ROBO2: variants seen among roughly 807,000 people sequenced by gnomAD.
ROBO2 encodes the protein roundabout homolog 2.
In ROBO2, 53 loss-of-function variants were observed where a neutral mutation model predicts 160.8. That is an observed-to-expected ratio of 0.33 (90% CI 0.26 to 0.41). The LOEUF is 0.41. Among genes scored for constraint, ROBO2 ranks in the 10% least tolerant of loss-of-function variants. The pLI is 1.00. For synonymous variants in ROBO2, 664 were observed against 611.7 expected (o/e 1.09, Z -1.26); for missense variants, 1,577 against 1,722.4 (o/e 0.92, Z 1.49).
At position 77,626,341 on chromosome 3, in the gene ROBO2, T is replaced by G. The variant is rs536615787; in HGVS notation, c.3760+3909T>G. Among the ~76,000 whole-genome samples, 348 of 152,356 alleles carry G rather than the reference T, an allele frequency of 2.3e-3. 3 individuals are homozygous for G. Among genetic ancestry groups the G allele is most frequent in the Admixed American group, 6.5e-3 (99 of 15,298 alleles). ...TATGTTTATTTAAAGTGACCCATGC[T>G]AACAAAATTCAACTGTATCAGCACT... On this transcript the variant is annotated intron_variant, in intron 23 of 25. Transcript: ENST00000461745.
intron 2 of ROBO2, among the ~76,000 whole-genome samples, chr3:77,172,344 A>G (rs1405731818): frequency 6.6e-6 from 1 of 152,164 alleles, no homozygotes; most frequent in African/African-American, 2.4e-5. Context: ...TGTGGCATCC[A>G]TGACTTACAT....
At chr3:75,925,471 A>T (rs145252575) in intron 1 of ROBO2, among the ~76,000 whole-genome samples, 2 of 152,172 alleles carry the variant, frequency 1.3e-5, no homozygotes, top group Non-Finnish European at 2.9e-5. Context: ...CTCTGATTAT[A>T]TGAGGCTGGG....
intron 2 of ROBO2, among the ~76,000 whole-genome samples, chr3:76,061,134 A>G (rs956442365): frequency 6.6e-6 from 1 of 152,218 alleles, no homozygotes; most frequent in Non-Finnish European, 1.5e-5. Flanking sequence ...GTGACTTCAC[A>G]TGTGCAAATT....
intron 2 of ROBO2, among the ~76,000 whole-genome samples, chr3:76,823,786 C>A (rs779325232): frequency 6.6e-6 from 1 of 151,866 alleles, no homozygotes; most frequent in African/African-American, 2.4e-5. Flanking sequence ...GGGGAGATAA[C>A]GGAATAATAT....
intron 2 of ROBO2, among the ~76,000 whole-genome samples, chr3:77,329,421 T>C (rs1396353243): frequency 6.6e-6 from 1 of 152,224 alleles, no homozygotes; most frequent in Non-Finnish European, 1.5e-5. Context: ...CTGTTTGTTC[T>C]AGTGTTTAGG....
chr3:77,317,048 C>T (rs1230576523), intron 2 of ROBO2: 14 of 1,504,832 alleles, frequency 9.3e-6, no homozygotes, highest in Admixed American at 6.7e-5. Flanking sequence ...TCTGTCCCGT[C>T]ATTCACAGTA....
rs59745987 is a variant in ROBO2 at position 76,044,538 on chromosome 3, G to GATTC, written c.109+106974_109+106977dup. Among the ~76,000 whole-genome samples, 863 of 149,538 alleles carry GATTC rather than the reference G, an allele frequency of 5.8e-3. 8 individuals are homozygous for GATTC. The highest frequency in any genetic ancestry group is 0.01 in the East Asian group (53 of 5,068). ...GGGAGAAATAAGTCACAGTCACAGA[G>GATTC]ATTCATTCATTCATTCATTCATTCA... On this transcript the variant is annotated intron_variant, in intron 2 of 26. Transcript: ENST00000487694.
At chr3:76,490,245 C>T (rs555883431) in intron 2 of ROBO2, among the ~76,000 whole-genome samples, 14 of 152,240 alleles carry the variant, frequency 9.2e-5, no homozygotes, top group African/African-American at 3.1e-4. Context: ...AGGATTGATG[C>T]CTGTCCTCGC....
chr3:76,472,214 T>C (rs139593122), intron 2 of ROBO2, among the ~76,000 whole-genome samples: 4 of 152,216 alleles, frequency 2.6e-5, no homozygotes, highest in African/African-American at 9.6e-5. Context: ...ATGAAAATGA[T>C]CATTTCCTAT....
rs1402675789 is a variant in ROBO2 at position 76,447,574 on chromosome 3, T to C, written c.109+509972T>C. On this transcript the variant is annotated intron_variant, in intron 2 of 26. Coordinates refer to the ROBO2 transcript ENST00000487694. ...CCCAAAGGATTATAAATCATGCTGC[T>C]ATAAAGACACAGGCACACGTATGTA... is the stretch of plus-strand genomic sequence containing the variant. Among the ~76,000 whole-genome samples the C allele has an allele frequency of 2.0e-5, 3 of 150,222 alleles. No individual in the cohort carries two copies. The East Asian group carries it at 5.8e-4, about 29-fold the overall frequency.
intron 2 of ROBO2, among the ~76,000 whole-genome samples, chr3:76,729,301 C>T (rs1466552336): frequency 6.6e-6 from 1 of 151,618 alleles, no homozygotes; most frequent in African/African-American, 2.4e-5. Flanking sequence ...TCAAATGGAG[C>T]CAAATTCTAG....
intron 2 of ROBO2, among the ~76,000 whole-genome samples, chr3:76,325,365 T>G (rs1303142050): frequency 6.6e-6 from 1 of 152,210 alleles, no homozygotes. Flanking sequence ...TTTCTATATA[T>G]GGCAATAATT....
intron 2 of ROBO2, among the ~76,000 whole-genome samples, chr3:76,522,164 C>T (rs2081660219): frequency 6.6e-6 from 1 of 152,092 alleles, no homozygotes; most frequent in Non-Finnish European, 1.5e-5. Flanking sequence ...TTATGGGCCC[C>T]TCCTCACCCT....
rs76648501 is a variant in ROBO2 at position 76,379,327 on chromosome 3, C to A, written c.109+441725C>A. On this transcript the variant is annotated intron_variant, in intron 2 of 26. Transcript: ENST00000487694. Reference sequence around the variant, plus strand: ...CAAGAAGTTTATAAATACTTGAAATCTACACTTTTATTTTTTCAATAAAAA... The same window carrying A: ...CAAGAAGTTTATAAATACTTGAAATATACACTTTTATTTTTTCAATAAAAA... Among the ~76,000 whole-genome samples the A allele has an allele frequency of 3.1e-3, 473 of 152,160 alleles. 13 individuals are homozygous for A. In the East Asian group the frequency reaches 0.085, roughly 27 times the overall value.
At chr3:76,505,729 C>G (rs954844861) in intron 2 of ROBO2, among the ~76,000 whole-genome samples, 1 of 151,986 alleles carries the variant, frequency 6.6e-6, no homozygotes, top group African/African-American at 2.4e-5. Flanking sequence ...TCCCCTAGAG[C>G]CTTGACCCTG....
At chr3:76,894,949 T>G (rs2074651847) in intron 2 of ROBO2, among the ~76,000 whole-genome samples, 1 of 152,104 alleles carries the variant, frequency 6.6e-6, no homozygotes, top group Non-Finnish European at 1.5e-5. Flanking sequence ...TTGGTTTTTT[T>G]CCTTTCAGAA....
intron 2 of ROBO2, among the ~76,000 whole-genome samples, chr3:76,622,154 GACA>G (rs1035627582): frequency 3.3e-5 from 5 of 149,656 alleles, no homozygotes; most frequent in African/African-American, 9.9e-5. Flanking sequence ...GACTAGCCTG[GACA>G]ACATAGCAAG....
chr3:76,224,032 G>A (rs1210568522), intron 2 of ROBO2, among the ~76,000 whole-genome samples: 2 of 152,146 alleles, frequency 1.3e-5, no homozygotes, highest in Non-Finnish European at 1.5e-5. Flanking sequence ...AGATTAGAGA[G>A]TCACATCCAG....
intron 2 of ROBO2, among the ~76,000 whole-genome samples, chr3:76,684,985 G>A (rs1408191553): frequency 6.7e-6 from 1 of 148,498 alleles, no homozygotes; most frequent in Non-Finnish European, 1.5e-5. Context: ...AAATGCAAAA[G>A]TCTTTCCACC....
Sources: allele counts gnomAD v4.1 joint callset (sites outside exome capture counted in the v4.1 genomes callset), GRCh38; gene constraint gnomAD v4.1.1; transcripts MANE v1.5; gene names NCBI Gene and HGNC (gene_info 2026-07-23, HGNC 2026-07-21).